Variants in CCNY observed in about 807,000 individuals in gnomAD.
CCNY encodes the protein cyclin-Y.
CCNY carries 19 observed loss-of-function variants against 42.8 expected under a neutral mutation model. The ratio of observed to expected loss-of-function variants is 0.44; its 90% CI spans 0.31 to 0.65. The LOEUF is 0.65. CCNY is among the 30% of genes least tolerant of loss of function. CCNY has a pLI of 0.07. For missense variants in CCNY, 370 were observed against 437.3 expected (o/e 0.85, Z 1.37); for synonymous variants, 165 against 162.7 (o/e 1.01, Z -0.11).
chr10:35,288,877 G>T (rs771752781), intron 3 of CCNY, among the ~76,000 whole-genome samples: 4 of 152,118 alleles, frequency 2.6e-5, no homozygotes, highest in African/African-American at 7.2e-5. Context: ...TTAAAATCAG[G>T]CAGTGTAAAA....
chr10:35,507,376 TA>T (rs749935881), intron 3 of CCNY, among the ~76,000 whole-genome samples: 22 of 152,362 alleles, frequency 1.4e-4, no homozygotes, highest in Non-Finnish European at 2.8e-4. Flanking sequence ...ATCTACCCTT[TA>T]GCCAGATTCA....
intron 7 of CCNY, among the ~76,000 whole-genome samples, chr10:35,550,838 C>A (rs940060203): frequency 9.9e-5 from 15 of 152,140 alleles, no homozygotes; most frequent in Admixed American, 9.2e-4. Flanking sequence ...GCCCTCCAGT[C>A]TCAGGACCAG....
chr10:35,377,279 T>A (rs1169537685), intron 1 of CCNY, among the ~76,000 whole-genome samples: 1 of 152,220 alleles, frequency 6.6e-6, no homozygotes, highest in East Asian at 1.9e-4. Context: ...TAGAGCAACT[T>A]CCAGTCCTGC....
intron 1 of CCNY, among the ~76,000 whole-genome samples, chr10:35,385,967 G>T (rs566477109): frequency 7.2e-5 from 11 of 151,950 alleles, no homozygotes; most frequent in Admixed American, 1.3e-4. Flanking sequence ...GTCCTAATGC[G>T]TCTCATGTTT....
chr10:35,394,075 C>T (rs1044462058), intron 1 of CCNY, among the ~76,000 whole-genome samples: 1 of 152,210 alleles, frequency 6.6e-6, no homozygotes, highest in African/African-American at 2.4e-5. Context: ...GTTCTTCACT[C>T]TCCAGTGCTC....
upstream of CCNY, among the ~76,000 whole-genome samples, chr10:35,335,293 C>T (rs1835999864): frequency 6.6e-6 from 1 of 152,152 alleles, no homozygotes; most frequent in African/African-American, 2.4e-5. Context: ...CCTAAGTTAA[C>T]TTGTTCCCAA....
At chr10:35,431,779 C>T (rs890154973) in intron 1 of CCNY, among the ~76,000 whole-genome samples, 3 of 152,054 alleles carry the variant, frequency 2.0e-5, no homozygotes, top group Admixed American at 6.6e-5. Context: ...CGTTAGACCT[C>T]GGTTCCACCA....
At chr10:35,471,132 T>C (rs1937699190) in intron 1 of CCNY, among the ~76,000 whole-genome samples, 1 of 152,106 alleles carries the variant, frequency 6.6e-6, no homozygotes, top group African/African-American at 2.4e-5. Context: ...ACAGAACCCT[T>C]GATTCCTTTG....
At chr10:35,404,275 G>A (rs1193008152) in intron 1 of CCNY, among the ~76,000 whole-genome samples, 1 of 152,186 alleles carries the variant, frequency 6.6e-6, no homozygotes, top group East Asian at 1.9e-4. Context: ...GGACAGAAAG[G>A]CTACAGGGCG....
chr10:35,497,026 G>C (rs533488389), intron 2 of CCNY, among the ~76,000 whole-genome samples: 31 of 152,250 alleles, frequency 2.0e-4, no homozygotes, highest in African/African-American at 7.5e-4. Context: ...CATCTTTATG[G>C]ACTGTCACTG....
intron 3 of CCNY, among the ~76,000 whole-genome samples, chr10:35,280,162 A>G (rs1835283312): frequency 6.6e-6 from 1 of 152,134 alleles, no homozygotes; most frequent in Non-Finnish European, 1.5e-5. Context: ...CCTTGTCTCT[A>G]CAAAAAATAC....
At chr10:35,340,485 G>T (rs1298214145) in intron 1 of CCNY, among the ~76,000 whole-genome samples, 1 of 151,702 alleles carries the variant, frequency 6.6e-6, no homozygotes, top group African/African-American at 2.4e-5. Flanking sequence ...ACCTTAAAAT[G>T]GTTGATGGCA....
At chr10:35,479,809 G>T (rs184004676) in intron 1 of CCNY, among the ~76,000 whole-genome samples, 3 of 151,852 alleles carry the variant, frequency 2.0e-5, no homozygotes, top group Non-Finnish European at 4.4e-5. Flanking sequence ...AAACCACTAC[G>T]CTCTTCCAGA....
At chr10:35,283,802 G>C (rs1007152567) in intron 3 of CCNY, among the ~76,000 whole-genome samples, 1 of 152,164 alleles carries the variant, frequency 6.6e-6, no homozygotes, top group African/African-American at 2.4e-5. Context: ...AGCTTAATTG[G>C]GCCGGGCGAG....
At position 35,311,682 on chromosome 10, in the gene CCNY, A is replaced by AC. The variant is rs201685400; in HGVS notation, c.-9+61063dup. Among the ~76,000 whole-genome samples the AC allele has an allele frequency of 1.5e-3, 78 of 50,424 alleles. 1 individual carries two copies. Among genetic ancestry groups the AC allele is most frequent in the African/African-American group, 1.9e-3 (30 of 15,424 alleles). The allele number at this position is 50,424 out of a possible 152,430, so 33.1% of individuals were successfully genotyped here. A position where few individuals can be genotyped will look rare whatever the true frequency, so the allele number is the denominator to read the frequency against. ...AACAGAGGGAGACCCCGTCCCCCCC[A>AC]CCCCCCCAAAAAAAAGTTTTTGGCT... On this transcript the variant is annotated intron_variant, in intron 3 of 11. Transcript: ENST00000374706.
intron 8 of CCNY, among the ~76,000 whole-genome samples, chr10:35,556,734 G>A (rs143907782): frequency 6.6e-6 from 1 of 152,220 alleles, no homozygotes; most frequent in Non-Finnish European, 1.5e-5. Context: ...GCACGGTTGT[G>A]TCTCCATTCC....
At chr10:35,381,755 C>T (rs1275903214) in intron 1 of CCNY, among the ~76,000 whole-genome samples, 1 of 152,000 alleles carries the variant, frequency 6.6e-6, no homozygotes, top group Non-Finnish European at 1.5e-5. Context: ...TGTAGTATTA[C>T]GTATATCTGT....
intron 7 of CCNY, among the ~76,000 whole-genome samples, chr10:35,532,676 C>T (rs1435794157): frequency 6.6e-6 from 1 of 152,132 alleles, no homozygotes; most frequent in African/African-American, 2.4e-5. Context: ...TTGTGGTGTA[C>T]CTGCAGCAGC....
At chr10:35,298,641 T>C (rs1835498797) in intron 3 of CCNY, among the ~76,000 whole-genome samples, 1 of 152,192 alleles carries the variant, frequency 6.6e-6, no homozygotes, top group South Asian at 2.1e-4. Flanking sequence ...CTCAGCCGCC[T>C]GAGTAGCTAG....
Sources: gnomAD v4.1 joint callset for allele counts (sites outside exome capture counted in the v4.1 genomes callset) on GRCh38, gnomAD v4.1.1 for gene constraint, MANE v1.5 for transcripts, NCBI Gene and HGNC (gene_info 2026-07-23, HGNC 2026-07-21) for gene names.